Variants in DAAM2 observed in about 807,000 individuals in gnomAD.
DAAM2 encodes disheveled-associated activator of morphogenesis 2.
DAAM2 carries 39 observed loss-of-function variants against 120.7 expected under a neutral mutation model. The observed-to-expected ratio is 0.32, with a 90% CI of 0.25 to 0.42. The LOEUF is 0.42. Among genes scored for constraint, DAAM2 ranks in the 10% least tolerant of loss-of-function variants. The pLI, the probability that DAAM2 is intolerant of heterozygous loss-of-function variation, is 1.00. For missense variants in DAAM2, 1,283 were observed against 1,401.7 expected (o/e 0.92, Z 1.35); for synonymous variants, 488 against 524.9 (o/e 0.93, Z 0.96).
At chr6:39,860,595 C>T (rs534199445) in intron 2 of DAAM2, among the ~76,000 whole-genome samples, 47 of 152,162 alleles carry the variant, frequency 3.1e-4, no homozygotes, top group Non-Finnish European at 4.4e-4. Context: ...GACCCCAGGG[C>T]GAGAGGATCA....
At position 39,842,170 on chromosome 6, in the gene DAAM2, G is replaced by T. The variant is rs200037722; in HGVS notation, c.-56-14077G>T. Among the ~76,000 whole-genome samples the T allele has an allele frequency of 2.0e-5, 3 of 152,260 alleles. No homozygotes were observed. In the East Asian group the frequency reaches 5.8e-4, roughly 29 times the overall value. On this transcript the variant is annotated intron_variant, in intron 1 of 24. Transcript: ENST00000274867. Reference sequence around the variant, plus strand: ...TGGGCCATGAAGGTTCATTCCTGGGGTGTTAACCACTTTCTCCACTCTGCC... The same window carrying T: ...TGGGCCATGAAGGTTCATTCCTGGGTTGTTAACCACTTTCTCCACTCTGCC...
rs882559 is a variant in DAAM2, at chr6:39,901,290, G to C, written c.2812-12G>C. The C allele has an allele frequency of 0.56, 896,500 of 1,609,308 alleles. 251,444 individuals carry two copies. Among genetic ancestry groups the C allele is most frequent in the African/African-American group, 0.69 (52,061 of 74,924 alleles). On this transcript the variant is annotated splice_polypyrimidine_tract_variant and intron_variant, in intron 23 of 24. Transcript: ENST00000274867. This position sits in a 1 kb window ranked among gnomAD's most constrained non-coding sequence, Gnocchi z 4.5. ...GGGCACTCTCCACCAATCCTGTTCT[G>C]TCCCTTGACAGTTCGCCAAGGCCTT...
At chr6:39,831,455 C>A (rs1377734327) in intron 1 of DAAM2, among the ~76,000 whole-genome samples, 1 of 152,000 alleles carries the variant, frequency 6.6e-6, no homozygotes, top group Non-Finnish European at 1.5e-5. Flanking sequence ...ATCTTTGAGG[C>A]AGATTACTAT....
intron 1 of DAAM2, among the ~76,000 whole-genome samples, chr6:39,803,157 C>A (rs1761916400): frequency 6.6e-6 from 1 of 152,154 alleles, no homozygotes; most frequent in African/African-American, 2.4e-5. Flanking sequence ...CATTTGTGCA[C>A]TTTTAGGTGA....
chr6:39,886,697 T>C, intron 15 of DAAM2: 1 of 376,990 alleles, frequency 2.7e-6, no homozygotes, highest in South Asian at 1.5e-4. Context: ...CTAGGTCTAC[T>C]GTCTTACCCA....
intron 10 of DAAM2, among the ~76,000 whole-genome samples, chr6:39,874,452 A>AG (rs1764788268): frequency 6.6e-6 from 1 of 152,172 alleles, no homozygotes; most frequent in Admixed American, 6.5e-5. Flanking sequence ...GGGCATAGAA[A>AG]TCTCTGGGAA....
chr6:39,900,871 A>T (rs1766436181), intron 23 of DAAM2, among the ~76,000 whole-genome samples: 1 of 152,174 alleles, frequency 6.6e-6, no homozygotes, highest in South Asian at 2.1e-4. Context: ...CCACCAACTC[A>T]TCTAACCCCC....
chr6:39,898,884 G>A lies in DAAM2; in HGVS notation c.2626G>A (p.Glu876Lys). The A allele has an allele frequency of 6.2e-7, 1 of 1,612,496 alleles. No individual in the cohort carries two copies. The highest frequency in any genetic ancestry group is 1.3e-5 in the African/African-American group (1 of 75,022). The part of the protein sequence containing the change: ...LPEAAKVNLA[E>K]LEKEVGNLRR... Reference sequence around the variant, plus strand: ...CTCTGTGTCTCCTTACAGCCTAGCAGAACTGGAGAAGGAGGTGGGCAACCT... The same window carrying A: ...CTCTGTGTCTCCTTACAGCCTAGCAAAACTGGAGAAGGAGGTGGGCAACCT... Residue 876 changes from glutamate to lysine, a missense_variant, in exon 22 of 25, where the codon GAA (glutamate) becomes AAA (lysine). Physicochemically the swap from Glu to Lys is moderately conservative, Grantham distance 56. Transcript: ENST00000274867.
At chr6:39,849,559 C>T (rs1056195982) in intron 1 of DAAM2, among the ~76,000 whole-genome samples, 4 of 152,132 alleles carry the variant, frequency 2.6e-5, no homozygotes, top group African/African-American at 9.7e-5. Flanking sequence ...AACTGAGGCT[C>T]AGAGAGGCCA....
rs538365111 is a variant in DAAM2 at position 39,812,863 on chromosome 6, T to C, written c.-57+20398T>C. Among the ~76,000 whole-genome samples, 11 of 152,170 alleles carry C rather than the reference T, an allele frequency of 7.2e-5. No individual in the cohort carries two copies. In the South Asian group the frequency reaches 1.7e-3, roughly 23 times the overall value. Reference sequence around the variant, plus strand: ...TTGTCCTGTTTCCAAGAATCCCAAATATATAAGAATTCCTCATTGAAAAGC... The same window carrying C: ...TTGTCCTGTTTCCAAGAATCCCAAACATATAAGAATTCCTCATTGAAAAGC... On this transcript the variant is annotated intron_variant, in intron 1 of 24. Transcript: ENST00000274867.
intron 14 of DAAM2, among the ~76,000 whole-genome samples, chr6:39,881,426 C>T (rs149154166): frequency 1.3e-5 from 2 of 152,354 alleles, no homozygotes; most frequent in Non-Finnish European, 2.9e-5. Flanking sequence ...ATGTCCATCT[C>T]AAGAGATTGT....
chr6:39,875,915 T>C (rs891064848), intron 11 of DAAM2, among the ~76,000 whole-genome samples: 2 of 152,214 alleles, frequency 1.3e-5, no homozygotes, highest in Non-Finnish European at 2.9e-5. Context: ...ACTCCAGTCC[T>C]CCAGCTTATT....
intron 2 of DAAM2, among the ~76,000 whole-genome samples, chr6:39,859,920 T>C (rs1188492010): frequency 1.3e-5 from 2 of 152,208 alleles, no homozygotes; most frequent in Non-Finnish European, 2.9e-5. Flanking sequence ...TCCTTAGATA[T>C]TGTTTTCACT....
chr6:39,868,058 C>G, intron 6 of DAAM2: 1 of 562,510 alleles, frequency 1.8e-6, no homozygotes, highest in Non-Finnish European at 3.2e-6. Flanking sequence ...ATGAGTTTGG[C>G]TGGGAAATGG....
At chr6:39,876,502 C>T (rs760886237) in intron 11 of DAAM2, among the ~76,000 whole-genome samples, 6 of 152,124 alleles carry the variant, frequency 3.9e-5, no homozygotes, top group Non-Finnish European at 8.8e-5. Context: ...CAATCTTTTC[C>T]ACTGCCAGAG....
rs764523288 is a variant in DAAM2, at chr6:39,901,777, C to T, written c.2983-36C>T. On this transcript the variant is annotated intron_variant, in intron 24 of 24. Transcript: ENST00000274867. This position sits in a 1 kb window ranked among gnomAD's most constrained non-coding sequence, Gnocchi z 4.5. ...GCTGCCCTGGCCTCAGCGCCTCTCC[C>T]TGAGAGGGTTCCTATCTTTGGCCCC... 1.9e-5 allele frequency: 29 copies of T among 1,490,296 alleles called. No homozygotes were observed. The highest frequency in any genetic ancestry group is 2.6e-5 in the Non-Finnish European group (29 of 1,122,538). The allele number at this position is 1,490,296 out of a possible 1,614,324, so 92.3% of individuals were successfully genotyped here. A position where few individuals can be genotyped will look rare whatever the true frequency, so the allele number is the denominator to read the frequency against.
intron 1 of DAAM2, among the ~76,000 whole-genome samples, chr6:39,851,060 G>T (rs1253895364): frequency 6.6e-6 from 1 of 152,146 alleles, no homozygotes; most frequent in Non-Finnish European, 1.5e-5. Flanking sequence ...CTGTAAGAGG[G>T]TATAATAATA....
chr6:39,847,102 G>A (rs981598896), intron 1 of DAAM2, among the ~76,000 whole-genome samples: 2 of 152,208 alleles, frequency 1.3e-5, no homozygotes, highest in African/African-American at 4.8e-5. Flanking sequence ...ACTGCAGAAG[G>A]CACAGCCCCG....
At chr6:39,798,782 C>G (rs968592899) in intron 1 of DAAM2, among the ~76,000 whole-genome samples, 1 of 152,144 alleles carries the variant, frequency 6.6e-6, no homozygotes, top group Non-Finnish European at 1.5e-5. Flanking sequence ...GCTCAGGTGT[C>G]CCTTTTTTTC....
Sources: allele counts gnomAD v4.1 joint callset (sites outside exome capture counted in the v4.1 genomes callset), GRCh38; gene constraint gnomAD v4.1.1; non-coding constraint Gnocchi (gnomAD v3.1); transcripts MANE v1.5; gene names NCBI Gene and HGNC (gene_info 2026-07-23, HGNC 2026-07-21).